PARN: variants seen among roughly 807,000 people sequenced by gnomAD.
PARN encodes poly(A)-specific ribonuclease.
Under a neutral mutation model 102.8 loss-of-function variants are expected in PARN, and 71 were observed. The observed-to-expected ratio is 0.69, with a 90% CI of 0.57 to 0.84. PARN has a LOEUF of 0.84. Among genes scored for constraint, PARN ranks in the 40% least tolerant of loss-of-function variants. PARN has a pLI of 0.00. For missense variants in PARN, 782 were observed against 760.9 expected, an observed-to-expected ratio of 1.03 and a Z score of -0.33; for synonymous variants, 261 against 252.9, an observed-to-expected ratio of 1.03 and a Z score of -0.30.
At chr16:14,569,526 T>C (rs1968657096) in intron 18 of PARN, among the ~76,000 whole-genome samples, 1 of 152,210 alleles carries the variant, frequency 6.6e-6, no homozygotes, top group African/African-American at 2.4e-5. Context: ...TGCTGCCTTA[T>C]GCATAAGCCA....
At chr16:14,613,393 G>A (rs1971650068) in intron 6 of PARN, among the ~76,000 whole-genome samples, 1 of 151,780 alleles carries the variant, frequency 6.6e-6, no homozygotes, top group Admixed American at 6.5e-5. Context: ...AGGCTGAGGA[G>A]GGCGCATCAC....
intron 18 of PARN, among the ~76,000 whole-genome samples, chr16:14,568,968 T>C (rs1424093727): frequency 1.3e-5 from 2 of 151,934 alleles, no homozygotes; most frequent in Admixed American, 6.6e-5. Context: ...ACCCAACACT[T>C]TGAGAGGCTG....
In PARN at chr16:14,457,026, G is replaced by A. The variant is rs191579993; in HGVS notation, c.1671-9945C>T. ...GCTCTCCGTACCTGGCACAGGGCCT[G>A]GCATAGAGTAAGTCCTTGGCCAAGG... On this transcript the variant is annotated intron_variant, in intron 22 of 23. Coordinates refer to ENST00000437198, the MANE Select transcript of PARN (RefSeq NM_002582.4). Among the ~76,000 whole-genome samples the A allele has an allele frequency of 5.5e-3, 840 of 152,270 alleles. 7 individuals carry two copies. The highest frequency in any genetic ancestry group is 8.7e-3 in the Non-Finnish European group (594 of 68,020).
chr16:14,602,582 G>A (rs1970940731), intron 11 of PARN, among the ~76,000 whole-genome samples: 2 of 152,156 alleles, frequency 1.3e-5, no homozygotes, highest in South Asian at 4.1e-4. Context: ...TGGTGCCCTG[G>A]TGGCCTTGCA....
chr16:14,599,771 G>A (rs1221389677), intron 12 of PARN, 133 bp downstream of exon 12: 3 of 557,502 alleles, frequency 5.4e-6, no homozygotes, highest in East Asian at 3.0e-5. Flanking sequence ...CTATCTTGAT[G>A]AAGTTCTAAC....
At chr16:14,616,282 T>G (rs1166245334) in intron 6 of PARN, among the ~76,000 whole-genome samples, 4 of 152,202 alleles carry the variant, frequency 2.6e-5, no homozygotes, top group African/African-American at 4.8e-5. Flanking sequence ...ACCTCCCTGA[T>G]GTAGAAGAGA....
chr16:14,476,829 CAA>C (rs974984605), intron 22 of PARN, among the ~76,000 whole-genome samples: 1 of 152,040 alleles, frequency 6.6e-6, no homozygotes, highest in African/African-American at 2.4e-5. Flanking sequence ...AAAAACAACA[CAA>C]AGAGGTATAA....
chr16:14,611,867 T>C (rs1000829821), intron 6 of PARN, among the ~76,000 whole-genome samples: 3 of 152,128 alleles, frequency 2.0e-5, no homozygotes, highest in African/African-American at 7.2e-5. Flanking sequence ...AAGGGCTCGA[T>C]GGCAAATGTT....
chr16:14,436,801 C>G (rs750479667), intron 23 of PARN, 29 bp from the exon 24 acceptor site: 1 of 1,526,386 alleles, frequency 6.6e-7, no homozygotes, highest in East Asian at 2.4e-5. Flanking sequence ...ACAATATGAA[C>G]AGCAGGACCA....
At chr16:14,621,468 T>C (rs1158159425) in intron 5 of PARN, among the ~76,000 whole-genome samples, 4 of 152,176 alleles carry the variant, frequency 2.6e-5, no homozygotes, top group Non-Finnish European at 5.9e-5. Context: ...TTAAATACGG[T>C]TAGAATAGTA....
At chr16:14,535,444 T>C (rs2151678283) in intron 21 of PARN, among the ~76,000 whole-genome samples, 2 of 152,366 alleles carry the variant, frequency 1.3e-5, no homozygotes, top group South Asian at 4.1e-4. Context: ...AGTGGAAATA[T>C]TATCAATAAA....
intron 9 of PARN, among the ~76,000 whole-genome samples, chr16:14,607,571 G>C (rs914523728): frequency 6.6e-6 from 1 of 152,128 alleles, no homozygotes; most frequent in African/African-American, 2.4e-5. Context: ...CTCTGCTGTA[G>C]TTTTGCATGG....
chr16:14,572,043 T>C (rs1180172511), intron 18 of PARN, among the ~76,000 whole-genome samples: 1 of 152,220 alleles, frequency 6.6e-6, no homozygotes, highest in African/African-American at 2.4e-5. Flanking sequence ...CTCATGTTTA[T>C]GTTGGGAAGC....
chr16:14,465,134 C>T (rs1962248506), intron 22 of PARN, among the ~76,000 whole-genome samples: 1 of 152,030 alleles, frequency 6.6e-6, no homozygotes, highest in Admixed American at 6.6e-5. Flanking sequence ...GTGGTGTGAA[C>T]ACAGCTCACT....
At chr16:14,465,388 T>C (rs550596507) in intron 22 of PARN, among the ~76,000 whole-genome samples, 1 of 152,210 alleles carries the variant, frequency 6.6e-6, no homozygotes, top group Non-Finnish European at 1.5e-5. Context: ...CAGCGTAAGA[T>C]TTCTTATTAC....
At chr16:14,572,949 T>C (rs1322102905) in intron 18 of PARN, among the ~76,000 whole-genome samples, 2 of 151,998 alleles carry the variant, frequency 1.3e-5, no homozygotes, top group African/African-American at 4.8e-5. Context: ...AGTGCAGTGC[T>C]GCAACCATGG....
At chr16:14,528,384 A>T (rs1966124165) in intron 21 of PARN, among the ~76,000 whole-genome samples, 1 of 152,232 alleles carries the variant, frequency 6.6e-6, no homozygotes, top group African/African-American at 2.4e-5. Context: ...ACAACTAAAA[A>T]TCATTCTGGC....
At position 14,582,283 on chromosome 16, in the gene PARN, C is replaced by T. The variant is rs772109946; in HGVS notation, c.1090G>A (p.Glu364Lys). The T allele has an allele frequency of 2.8e-5, 45 of 1,611,768 alleles. 1 individual carries two copies. Among genetic ancestry groups the T allele is most frequent in the East Asian group, 4.5e-5 (2 of 44,892 alleles). Residue 364 changes from glutamate (E) to lysine (K), a missense_variant, in exon 17 of 24, where the codon GAA becomes AAA. Glu to Lys is a moderately conservative substitution (Grantham distance 56). Coordinates refer to ENST00000437198, the MANE Select transcript of PARN (RefSeq NM_002582.4). ...PFNPPKVESAEGFPSYDTASE... is the reference protein window; with the variant it reads ...PFNPPKVESAKGFPSYDTASE... ...GCTGTGTCATAACTTGGAAAACCTTCGGCACTTTCTAAGAAAAAAAAGGAA... is the reference window on the plus strand; with the variant it reads ...GCTGTGTCATAACTTGGAAAACCTTTGGCACTTTCTAAGAAAAAAAAGGAA...
intron 21 of PARN, among the ~76,000 whole-genome samples, chr16:14,488,811 C>T (rs1963887240): frequency 6.6e-6 from 1 of 151,936 alleles, no homozygotes; most frequent in African/African-American, 2.4e-5. Flanking sequence ...GATGATCATT[C>T]TCACTTCCTA....
Sources: gnomAD v4.1 joint callset for allele counts (sites outside exome capture counted in the v4.1 genomes callset) on GRCh38, gnomAD v4.1.1 for gene constraint, MANE v1.5 for transcripts, NCBI Gene and HGNC (gene_info 2026-07-23, HGNC 2026-07-21) for gene names.